The following DDHD1 variants were observed in gnomAD, a reference collection of about 807,000 sequenced individuals.
DDHD1 encodes the protein DDHD domain containing 1, also known as phospholipase DDHD1.
Under a neutral mutation model 96.4 loss-of-function variants are expected in DDHD1, and 49 were observed. That is an observed-to-expected ratio of 0.51 (90% CI 0.40 to 0.64). The LOEUF (loss-of-function observed/expected upper bound fraction) is 0.64, where lower values mean the gene tolerates loss of function less well. Ranked by LOEUF, DDHD1 falls within the 30% of genes least tolerant of loss-of-function variation. The pLI, the probability that DDHD1 is intolerant of heterozygous loss-of-function variation, is 0.00. For synonymous variants in DDHD1, 442 were observed against 446.5 expected, an observed-to-expected ratio of 0.99 and a Z score of 0.13; for missense variants, 1,106 against 1,161.2, an observed-to-expected ratio of 0.95 and a Z score of 0.69.
chr14:53,063,846 T>C (rs1465511318), intron 6 of DDHD1, among the ~76,000 whole-genome samples: 1 of 152,134 alleles, frequency 6.6e-6, no homozygotes, highest in Non-Finnish European at 1.5e-5. Context: ...TAGAGGTTAA[T>C]AATGTGGGGA....
At position 53,043,009 on chromosome 14, in the gene DDHD1, C is replaced by T. The variant is rs771528174; in HGVS notation, c.*3759G>A. The T allele has an allele frequency of 2.0e-5, 3 of 152,154 alleles. No individual in the cohort carries two copies. Among genetic ancestry groups the T allele is most frequent in the Non-Finnish European group, 4.4e-5 (3 of 68,024 alleles). The allele number at this position is 152,154 out of a possible 1,614,324, so 9.4% of individuals were successfully genotyped here. ...AAAGAAATTTGTCTTCTACTACAGA[C>T]TTTACAGGAAAATCTTTTGGCTTGA... On this transcript the variant is annotated 3_prime_UTR_variant, in exon 13 of 13. Coordinates refer to ENST00000673822, the MANE Select transcript of DDHD1 (RefSeq NM_001160148.2).
chr14:53,142,859 C>A (rs1306147390), intron 1 of DDHD1, among the ~76,000 whole-genome samples: 2 of 152,128 alleles, frequency 1.3e-5, no homozygotes, highest in Non-Finnish European at 2.9e-5. Flanking sequence ...TAGGGCTGTG[C>A]CCATTTGAGA....
intron 1 of DDHD1, among the ~76,000 whole-genome samples, chr14:53,117,502 T>C (rs1888638050): frequency 6.6e-6 from 1 of 152,190 alleles, no homozygotes; most frequent in African/African-American, 2.4e-5. Context: ...CTCCTGTCAC[T>C]GGTTTGGCAG....
chr14:53,095,063 TG>T (rs1886766998), intron 2 of DDHD1, among the ~76,000 whole-genome samples: 1 of 152,160 alleles, frequency 6.6e-6, no homozygotes, highest in Admixed American at 6.5e-5. Flanking sequence ...GCAATGTTTG[TG>T]GAAGTAGTGA....
intron 4 of DDHD1, among the ~76,000 whole-genome samples, chr14:53,088,404 C>T (rs1566553999): frequency 6.6e-6 from 1 of 152,116 alleles, no homozygotes; most frequent in Non-Finnish European, 1.5e-5. Context: ...TGATGAACAT[C>T]AATGCAAAAA....
Position 53,146,162 on chromosome 14 carries a change from C to T in DDHD1, c.838+6099G>A, listed in dbSNP as rs532468700. Among the ~76,000 whole-genome samples the T allele has an allele frequency of 1.3e-3, 192 of 151,474 alleles. 1 individual carries two copies. Among genetic ancestry groups the T allele is most frequent in the South Asian group, 4.2e-4 (2 of 4,794 alleles). On this transcript the variant is annotated intron_variant, in intron 1 of 12. Coordinates refer to ENST00000673822, the MANE Select transcript of DDHD1 (RefSeq NM_001160148.2). ...CAGAGGTTGCAGTGAGCTGAGATCA[C>T]GCCATTGCACTTCAGCCTGGGCAAA...
At chr14:53,130,508 T>C (rs983468612) in intron 1 of DDHD1, among the ~76,000 whole-genome samples, 5 of 152,234 alleles carry the variant, frequency 3.3e-5, no homozygotes, top group East Asian at 1.9e-4. Context: ...AGGACTTAAT[T>C]AACCTCGCCT....
In DDHD1 at chr14:53,098,526, C is replaced by CATTA. The variant is rs1302068409; in HGVS notation, c.1013-5083_1013-5082insTAAT. ...GTCTTACACATCTCTAACCTGCCAA[C>CATTA]TATAATGAGAAAATTTCTGGCAATC... On this transcript the variant is annotated intron_variant, in intron 2 of 12. Transcript: ENST00000673822. Among the ~76,000 whole-genome samples the CATTA allele has an allele frequency of 2.0e-5, 3 of 151,928 alleles. No homozygotes were observed. In the East Asian group the frequency reaches 5.8e-4, roughly 29 times the overall value.
intron 4 of DDHD1, among the ~76,000 whole-genome samples, chr14:53,082,753 T>A (rs559422903): frequency 1.4e-5 from 2 of 139,294 alleles, no homozygotes. Flanking sequence ...AGTGAGACTC[T>A]ATCTCAAAAA....
At chr14:53,103,995 T>A (rs761896462) in intron 1 of DDHD1, 139 bp from the exon 2 acceptor site, 10 of 671,712 alleles carry the variant, frequency 1.5e-5, no homozygotes, top group Non-Finnish European at 2.3e-5. Context: ...ATCTAAACTT[T>A]TATTTATGTT....
intron 1 of DDHD1, among the ~76,000 whole-genome samples, chr14:53,127,986 A>C (rs574572802): frequency 4.5e-4 from 68 of 152,334 alleles, no homozygotes; most frequent in African/African-American, 1.6e-3. Flanking sequence ...ATGGGAGGTG[A>C]ACAGAACACG....
In DDHD1 at chr14:53,152,367, G is replaced by A. The variant is rs1228494570; in HGVS notation, c.732C>T (p.His244=). ...ACGFCQSTTG[H]EPEMVELVNI... ...TCACAAGCTCCACCATCTCCGGCTC[G>A]TGCCCCGTCGTACTCTGGCAGAAGC... The change falls in exon 1 of 13, where the codon CAC becomes CAT. Residue 244 remains histidine, a synonymous_variant. Coordinates refer to ENST00000673822, the MANE Select transcript of DDHD1 (RefSeq NM_001160148.2). The A allele has an allele frequency of 1.2e-6, 2 of 1,613,726 alleles. No individual in the cohort carries two copies. Among genetic ancestry groups the A allele is most frequent in the Non-Finnish European group, 8.5e-7 (1 of 1,179,968 alleles).
At chr14:53,080,728 T>TCC (rs1885397756) in intron 4 of DDHD1, among the ~76,000 whole-genome samples, 1 of 148,654 alleles carries the variant, frequency 6.7e-6, no homozygotes, top group Non-Finnish European at 1.5e-5. Context: ...TTTTTTTTTT[T>TCC]TTTTTTTTTG....
intron 9 of DDHD1, among the ~76,000 whole-genome samples, chr14:53,056,157 T>G (rs368126941): frequency 6.6e-6 from 1 of 152,342 alleles, no homozygotes; most frequent in South Asian, 2.1e-4. Context: ...CAGAGAAATA[T>G]TTTTATTATG....
In DDHD1 at chr14:53,101,487, A is replaced by T. The variant is rs910480668; in HGVS notation, c.1012+2196T>A. 7.2e-5 allele frequency among the ~76,000 whole-genome samples: 11 copies of T among 152,130 alleles called. No homozygotes were observed. In the South Asian group the frequency reaches 8.3e-4, roughly 11 times the overall value. Reference sequence around the variant, plus strand: ...TATAAAAACAAATTTTCTTCTAATGAACCTCAAAGAATCATCATTTTTGAA... The same window carrying T: ...TATAAAAACAAATTTTCTTCTAATGTACCTCAAAGAATCATCATTTTTGAA... On this transcript the variant is annotated intron_variant, in intron 2 of 12. Coordinates refer to ENST00000673822, the MANE Select transcript of DDHD1 (RefSeq NM_001160148.2).
At chr14:53,118,908 A>G (rs945101247) in intron 1 of DDHD1, among the ~76,000 whole-genome samples, 2 of 152,208 alleles carry the variant, frequency 1.3e-5, no homozygotes, top group Non-Finnish European at 2.9e-5. Context: ...AAGGGCAGCC[A>G]GGGAGAAAGG....
intron 4 of DDHD1, among the ~76,000 whole-genome samples, chr14:53,077,667 TTG>T (rs199859343): frequency 0.25 from 23,504 of 92,596 alleles, 1,962 homozygotes; most frequent in East Asian, 0.52. Flanking sequence ...GTTTTTGTTT[TTG>T]TTTTTTTTTT....
chr14:53,041,404 AAAAAC>A lies in DDHD1; in HGVS notation c.*5359_*5363del, dbSNP rs1305581975. On this transcript the variant is annotated 3_prime_UTR_variant, in exon 13 of 13. Coordinates refer to ENST00000673822, the MANE Select transcript of DDHD1 (RefSeq NM_001160148.2). ...TGCACATACATACACACACACACCA[AAAAAC>A]AAAACAAAACACAATAGTAAAAACT... 1 of 152,180 alleles carries A rather than the reference AAAAAC, an allele frequency of 6.6e-6. No individual in the cohort carries two copies. Among genetic ancestry groups the A allele is most frequent in the Non-Finnish European group, 1.5e-5 (1 of 68,028 alleles). 9.4% of individuals were successfully genotyped at this position (152,180 alleles called of 1,614,324 possible). A position where few individuals can be genotyped will look rare whatever the true frequency, so the allele number is the denominator to read the frequency against.
At chr14:53,086,005 C>T (rs1386702793) in intron 4 of DDHD1, among the ~76,000 whole-genome samples, 1 of 152,184 alleles carries the variant, frequency 6.6e-6, no homozygotes, top group Non-Finnish European at 1.5e-5. Context: ...GTGACACATG[C>T]ACAAGCTTCG....
Sources: gnomAD v4.1 joint callset for allele counts (sites outside exome capture counted in the v4.1 genomes callset) on GRCh38, gnomAD v4.1.1 for gene constraint, MANE v1.5 for transcripts, NCBI Gene and HGNC (gene_info 2026-07-23, HGNC 2026-07-21) for gene names.